ATP5F1A: variants seen among roughly 807,000 people sequenced by gnomAD.
ATP5F1A encodes ATP synthase F(1) complex subunit alpha, mitochondrial.
A neutral mutation model predicts 57.4 loss-of-function variants in ATP5F1A; 24 were observed. The observed-to-expected ratio is 0.42, with a 90% confidence interval of 0.30 to 0.59. The LOEUF (loss-of-function observed/expected upper bound fraction) is 0.59. Ranked by LOEUF, ATP5F1A falls within the 20% of genes least tolerant of loss-of-function variation. The pLI is 0.19. For missense variants in ATP5F1A, 494 were observed against 707.9 expected, an observed-to-expected ratio of 0.70 and a Z score of 3.43; for synonymous variants, 251 against 255.5, an observed-to-expected ratio of 0.98 and a Z score of 0.17.
chr18:46,103,067 C>T (rs1221583522), upstream of ATP5F1A, among the ~76,000 whole-genome samples: 4 of 152,022 alleles, frequency 2.6e-5, no homozygotes, highest in African/African-American at 9.7e-5. Flanking sequence ...TTTGAGAGGC[C>T]GAGGCAGGCA....
At chr18:46,085,830 G>A (rs1434319377) in intron 10 of ATP5F1A, 4 of 359,220 alleles carry the variant, frequency 1.1e-5, no homozygotes, top group South Asian at 7.6e-5. Context: ...CTACTAAGGA[G>A]GCTGAGGCAG....
At position 46,086,264 on chromosome 18, in the gene ATP5F1A, T is replaced by G. The variant is rs1910087318; in HGVS notation, c.1285-7A>C. Reference sequence around the variant, plus strand: ...GCTTCATGGTACCTGCTACCTGCAATACAGAAATTACTGTACTGTAACTCA... The same window carrying G: ...GCTTCATGGTACCTGCTACCTGCAAGACAGAAATTACTGTACTGTAACTCA... On this transcript the variant is annotated splice_polypyrimidine_tract_variant and splice_region_variant and intron_variant, in intron 9 of 11. Transcript: ENST00000398752. The G allele has an allele frequency of 6.2e-7, 1 of 1,613,740 alleles. No homozygotes were observed. Among genetic ancestry groups the G allele is most frequent in the Non-Finnish European group, 8.5e-7 (1 of 1,179,948 alleles).
In ATP5F1A at chr18:46,084,062, A is replaced by G; in HGVS notation, c.*220T>C. On this transcript the variant is annotated 3_prime_UTR_variant, in exon 12 of 12. Coordinates refer to ENST00000398752, the MANE Select transcript of ATP5F1A (RefSeq NM_004046.6). ...GCCCAGTTGACTGTACCAATATTCA[A>G]GTAAAATAGATCAAGAAGCATTTGC... The G allele has an allele frequency of 2.1e-6, 1 of 469,674 alleles. No individual in the cohort carries two copies. The highest frequency in any genetic ancestry group is 3.7e-6 in the Non-Finnish European group (1 of 268,924). 29.1% of individuals were successfully genotyped at this position (469,674 alleles called of 1,614,324 possible).
intron 1 of ATP5F1A, among the ~76,000 whole-genome samples, chr18:46,103,606 A>C (rs1283517549): frequency 2.3e-5 from 2 of 88,520 alleles, no homozygotes; most frequent in African/African-American, 9.6e-5. Flanking sequence ...CAGAGACTCC[A>C]TCTCAAAAAA....
upstream of ATP5F1A, among the ~76,000 whole-genome samples, chr18:46,099,106 AAT>A (rs1404213829): frequency 2.6e-5 from 4 of 152,190 alleles, no homozygotes; most frequent in Non-Finnish European, 5.9e-5. Context: ...AATTAAAAAA[AAT>A]ATATCAACAA....
At chr18:46,103,430 A>G (rs994595041) in intron 1 of ATP5F1A, among the ~76,000 whole-genome samples, 4 of 150,880 alleles carry the variant, frequency 2.7e-5, no homozygotes, top group Non-Finnish European at 4.4e-5. Flanking sequence ...ATGAGATCCC[A>G]TCTTTACTAA....
At chr18:46,086,633 T>C in intron 8 of ATP5F1A, 139 bp from the exon 9 acceptor site, 1 of 747,496 alleles carries the variant, frequency 1.3e-6, no homozygotes, top group Admixed American at 2.9e-5. Flanking sequence ...TTTCACGACC[T>C]GACCTGTATA....
chr18:46,087,802 C>A lies in ATP5F1A; in HGVS notation c.799+307G>T. The A allele has an allele frequency of 9.2e-6, 4 of 435,972 alleles. No individual in the cohort carries two copies. In the South Asian group the frequency reaches 1.1e-4, roughly 12 times the overall value. 27.0% of individuals were successfully genotyped at this position (435,972 alleles called of 1,614,324 possible). A position where few individuals can be genotyped will look rare whatever the true frequency, so the allele number is the denominator to read the frequency against. ...GGCTGAGACAGGAGAATCGCTTGAA[C>A]CCAGGAGGCAGAGGTTGCAGTGAGC... On this transcript the variant is annotated intron_variant, in intron 6 of 11. Transcript: ENST00000398752.
At chr18:46,099,906 G>A (rs1369020711), upstream of ATP5F1A, among the ~76,000 whole-genome samples, 1 of 152,100 alleles carries the variant, frequency 6.6e-6, no homozygotes, top group African/African-American at 2.4e-5. Context: ...TCTTTTCAAG[G>A]TAAGCCATGG....
At chr18:46,097,577 T>G (rs778285262) in intron 1 of ATP5F1A, among the ~76,000 whole-genome samples, 25 of 152,176 alleles carry the variant, frequency 1.6e-4, no homozygotes, top group Non-Finnish European at 2.8e-4. Context: ...GCTGGCCACA[T>G]GAAATGGTTC....
chr18:46,090,152 AC>A (rs1228734261), intron 3 of ATP5F1A, among the ~76,000 whole-genome samples, 156 bp from the exon 4 acceptor site: 1 of 152,170 alleles, frequency 6.6e-6, no homozygotes, highest in Non-Finnish European at 1.5e-5. Context: ...CTAACAAACA[AC>A]CCTCTCTGAT....
At chr18:46,101,821 G>A (rs1446350119), upstream of ATP5F1A, among the ~76,000 whole-genome samples, 1 of 149,068 alleles carries the variant, frequency 6.7e-6, no homozygotes, top group Non-Finnish European at 1.5e-5. Context: ...AAACCTGGGA[G>A]ATGGAGGTTG....
At chr18:46,087,635 T>C (rs1194904585) in intron 6 of ATP5F1A, 143 bp from the exon 7 acceptor site, 2 of 954,856 alleles carry the variant, frequency 2.1e-6, no homozygotes, top group Non-Finnish European at 3.1e-6. Flanking sequence ...ATCCCAGCAC[T>C]TTGGGAGGCC....
At chr18:46,099,753 T>C (rs1297049482), upstream of ATP5F1A, among the ~76,000 whole-genome samples, 2 of 152,142 alleles carry the variant, frequency 1.3e-5, no homozygotes, top group Non-Finnish European at 2.9e-5. Context: ...TGGAGAAGCA[T>C]TTTCAGTTCC....
At position 46,084,105 on chromosome 18, in the gene ATP5F1A, T is replaced by G. The variant is rs1909911767; in HGVS notation, c.*177A>C. ...GCATTTGCTTACCAATTTCTCAATT[T>G]GATCTTGGTTTTAAAGAATAACACA... On this transcript the variant is annotated 3_prime_UTR_variant, in exon 12 of 12. Transcript: ENST00000398752. The G allele has an allele frequency of 1.9e-6, 1 of 518,826 alleles. No homozygotes were observed. The highest frequency in any genetic ancestry group is 3.3e-6 in the Non-Finnish European group (1 of 305,522). 32.1% of individuals were successfully genotyped at this position (518,826 alleles called of 1,614,324 possible).
At chr18:46,090,270 T>G (rs1910464350) in intron 3 of ATP5F1A, among the ~76,000 whole-genome samples, 1 of 152,186 alleles carries the variant, frequency 6.6e-6, no homozygotes, top group Non-Finnish European at 1.5e-5. Context: ...GCAAAGAAAT[T>G]GGACAGGTTA....
chr18:46,084,666 C>CAAG lies in ATP5F1A; in HGVS notation c.1430-15_1430-13dup. The CAAG allele has an allele frequency of 6.5e-7, 1 of 1,547,978 alleles. No homozygotes were observed. Among genetic ancestry groups the CAAG allele is most frequent in the Non-Finnish European group, 8.7e-7 (1 of 1,152,804 alleles). Reference sequence around the variant, plus strand: ...AATAGCCATGGGAGCTGAAAAGATACAAGAAGAATGCCAAGTGAGTTGCTC... The same window carrying CAAG: ...AATAGCCATGGGAGCTGAAAAGATACAAGAAGAAGAATGCCAAGTGAGTTGCTC... On this transcript the variant is annotated splice_polypyrimidine_tract_variant and intron_variant, in intron 10 of 11. Transcript: ENST00000398752.
chr18:46,096,125 G>A (rs934782361), intron 1 of ATP5F1A, among the ~76,000 whole-genome samples: 6 of 152,240 alleles, frequency 3.9e-5, no homozygotes, highest in African/African-American at 1.4e-4. Context: ...CTGACTTCAG[G>A]TGATGCACCC....
At chr18:46,091,902 G>A in intron 2 of ATP5F1A, 51 bp from the exon 3 acceptor site, 2 of 1,557,846 alleles carry the variant, frequency 1.3e-6, no homozygotes, top group Non-Finnish European at 1.7e-6. Flanking sequence ...GCCAGGCACA[G>A]TGGCTCACAG....
Sources: gnomAD v4.1 joint callset for allele counts (sites outside exome capture counted in the v4.1 genomes callset) on GRCh38, gnomAD v4.1.1 for gene constraint, MANE v1.5 for transcripts, NCBI Gene and HGNC (gene_info 2026-07-23, HGNC 2026-07-21) for gene names.